CCDC88C: variants seen among roughly 807,000 people sequenced by gnomAD.
CCDC88C encodes coiled-coil and HOOK domain protein 88C.
Under a neutral mutation model 198.8 loss-of-function variants are expected in CCDC88C, and 131 were observed. That is an observed-to-expected ratio of 0.66 (90% confidence interval 0.57 to 0.76). The LOEUF (loss-of-function observed/expected upper bound fraction) is 0.76, where lower values mean the gene tolerates loss of function less well. CCDC88C is among the 30% of genes least tolerant of loss of function. The pLI is 0.00. For missense variants in CCDC88C, 2,553 were observed against 2,631.6 expected (o/e 0.97, Z 0.65); for synonymous variants, 1,166 against 1,114.7 (o/e 1.05, Z -0.92).
rs571250995 is a variant in CCDC88C, at chr14:91,297,297, G to C, written c.3966+8C>G. ...TGTCTCCCGAGGCTCCCCTGGCGCTGGCCTCACCTCACAGTGGTTGTCCAG... is the reference window on the plus strand; with the variant it reads ...TGTCTCCCGAGGCTCCCCTGGCGCTCGCCTCACCTCACAGTGGTTGTCCAG... On this transcript the variant is annotated splice_region_variant and intron_variant, in intron 22 of 29. Transcript: ENST00000389857. 2.2e-5 allele frequency: 35 copies of C among 1,611,784 alleles called. No individual in the cohort carries two copies. In the South Asian group the frequency reaches 3.6e-4, roughly 17 times the overall value.
chr14:91,281,015 T>C, intron 27 of CCDC88C: 1 of 378,704 alleles, frequency 2.6e-6, no homozygotes, highest in Non-Finnish European at 5.3e-6. Flanking sequence ...GTTTACTGTC[T>C]CCCTTCTGCA....
intron 10 of CCDC88C, among the ~76,000 whole-genome samples, chr14:91,327,025 C>G (rs1312399392): frequency 6.6e-6 from 1 of 152,222 alleles, no homozygotes; most frequent in Non-Finnish European, 1.5e-5. Flanking sequence ...CTCCACTGTT[C>G]CTTTGCTACG....
rs760548975 is a variant in CCDC88C, at chr14:91,417,614, G to A, written c.60+17C>T. 8.2e-6 allele frequency: 13 copies of A among 1,581,986 alleles called. No homozygotes were observed. The highest frequency in any genetic ancestry group is 1.4e-5 in the African/African-American group (1 of 71,706). On this transcript the variant is annotated intron_variant, in intron 1 of 29. Coordinates refer to ENST00000389857, the MANE Select transcript of CCDC88C (RefSeq NM_001080414.4). Reference sequence around the variant, plus strand: ...GCCGGTGCACCAACAAAGGGGCGGGGAGCCAGGCGCACTCACCCAGGTCAC... The same window carrying A: ...GCCGGTGCACCAACAAAGGGGCGGGAAGCCAGGCGCACTCACCCAGGTCAC...
At chr14:91,400,578 A>G (rs1886114926) in intron 3 of CCDC88C, among the ~76,000 whole-genome samples, 2 of 152,222 alleles carry the variant, frequency 1.3e-5, no homozygotes, top group African/African-American at 2.4e-5. Flanking sequence ...CGATTCCCTC[A>G]GGCAGTCCTG....
chr14:91,354,790 C>A (rs1358441475), intron 4 of CCDC88C, among the ~76,000 whole-genome samples: 1 of 152,212 alleles, frequency 6.6e-6, no homozygotes. Context: ...CAACAAAAAA[C>A]CCCAGGATTC....
chr14:91,372,442 C>T (rs1957609221), intron 3 of CCDC88C, among the ~76,000 whole-genome samples: 1 of 148,352 alleles, frequency 6.7e-6, no homozygotes, highest in Non-Finnish European at 1.5e-5. Context: ...AGCGGGGAAT[C>T]CAGAAAAGCT....
chr14:91,330,432 T>C (rs1345272565), intron 10 of CCDC88C, among the ~76,000 whole-genome samples: 1 of 152,186 alleles, frequency 6.6e-6, no homozygotes, highest in African/African-American at 2.4e-5. Context: ...CAAAGGCCTC[T>C]GCAGCAGGAC....
chr14:91,300,765 G>C (rs972916974), intron 20 of CCDC88C, among the ~76,000 whole-genome samples: 5 of 152,116 alleles, frequency 3.3e-5, no homozygotes, highest in African/African-American at 4.8e-5. Flanking sequence ...CCATCTCTTG[G>C]GGGGCAGAGT....
At position 91,339,144 on chromosome 14, in the gene CCDC88C, C is replaced by T; in HGVS notation, c.809+134G>A. On this transcript the variant is annotated intron_variant, in intron 8 of 29. Coordinates refer to ENST00000389857, the MANE Select transcript of CCDC88C (RefSeq NM_001080414.4). This position sits in a 1 kb window ranked among gnomAD's most constrained non-coding sequence, Gnocchi z 5.8. ...CTAGTCCGAGGTCAAAGAGTAAGCT[C>T]AGGGCAGACCCCAGCTGACTCCGGG... 2 of 1,068,756 alleles carry T rather than the reference C, an allele frequency of 1.9e-6. No homozygotes were observed. The highest frequency in any genetic ancestry group is 2.8e-6 in the Non-Finnish European group (2 of 714,864). The allele number at this position is 1,068,756 out of a possible 1,614,324, so 66.2% of individuals were successfully genotyped here.
chr14:91,273,164 G>C lies in CCDC88C; in HGVS notation c.5548C>G (p.Pro1850Ala), dbSNP rs1021776960. The change falls in exon 30 of 30, where the codon CCC (proline) becomes GCC (alanine). Residue 1850 changes from proline to alanine, a missense_variant. Coordinates refer to ENST00000389857, the MANE Select transcript of CCDC88C (RefSeq NM_001080414.4). This position sits in a 1 kb window ranked among gnomAD's most constrained non-coding sequence, Gnocchi z 5.6. ...CGGGCCAGGCTATGGGAGCTGGGGG[G>C]TGCGGGGCTTTGCAGGGTGTGGCTG... Reference protein sequence around the residue: ...TGSHTLQSPAPPSSHSLARER... With the variant: ...TGSHTLQSPAAPSSHSLARER... 2 of 1,580,928 alleles carry C rather than the reference G, an allele frequency of 1.3e-6. No individual in the cohort carries two copies. Among genetic ancestry groups the C allele is most frequent in the East Asian group, 2.3e-5 (1 of 43,184 alleles).
intron 29 of CCDC88C, among the ~76,000 whole-genome samples, chr14:91,276,099 C>G (rs1273423819): frequency 6.6e-6 from 1 of 152,116 alleles, no homozygotes; most frequent in South Asian, 2.1e-4. Context: ...GGATTACAGG[C>G]GTGAGCCACC....
intron 25 of CCDC88C, among the ~76,000 whole-genome samples, chr14:91,287,383 C>T (rs1890456713): frequency 6.6e-6 from 1 of 152,220 alleles, no homozygotes; most frequent in South Asian, 2.1e-4. Flanking sequence ...TGGGGTGTCA[C>T]TCTGTCACCC....
At chr14:91,309,160 C>A (rs143731563) in intron 16 of CCDC88C, among the ~76,000 whole-genome samples, 1 of 152,114 alleles carries the variant, frequency 6.6e-6, no homozygotes, top group South Asian at 2.1e-4. Context: ...AACCAGGAGG[C>A]GGAGGTTTTC....
chr14:91,315,211 G>A lies in CCDC88C; in HGVS notation c.1665+439C>T, dbSNP rs150920903. On this transcript the variant is annotated intron_variant, in intron 14 of 29. Transcript: ENST00000389857. ...TAGGCAAGAGGCCTGGTTCCTGATG[G>A]CATCCCTGAGCCACTACATCAGCCC... 4.6e-5 allele frequency among the ~76,000 whole-genome samples: 7 copies of A among 152,214 alleles called. No homozygotes were observed. In the South Asian group the frequency reaches 6.2e-4, roughly 14 times the overall value.
Position 91,338,374 on chromosome 14 carries a change from T to C in CCDC88C, c.891+115A>G. 9.8e-7 allele frequency: 1 copy of C among 1,019,936 alleles called. No individual in the cohort carries two copies. Among genetic ancestry groups the C allele is most frequent in the East Asian group, 2.6e-5 (1 of 38,320 alleles). 63.2% of individuals were successfully genotyped at this position (1,019,936 alleles called of 1,614,324 possible). A position where few individuals can be genotyped will look rare whatever the true frequency, so the allele number is the denominator to read the frequency against. ...TCCCCATAGCCGTGCTCAGGACAAG[T>C]GGCTCTTGTGTGGCTTAAAAGCGCT... is the stretch of plus-strand genomic sequence containing the variant. On this transcript the variant is annotated intron_variant, in intron 9 of 29. Transcript: ENST00000389857. The surrounding 1 kb of genome is among the most constrained non-coding windows in gnomAD (Gnocchi z 4.8).
At chr14:91,364,038 C>T (rs1181212181) in intron 3 of CCDC88C, among the ~76,000 whole-genome samples, 2 of 152,268 alleles carry the variant, frequency 1.3e-5, no homozygotes, top group African/African-American at 2.4e-5. Flanking sequence ...GTGCTCTGGA[C>T]AGGCCCCCAC....
At chr14:91,402,470 T>C (rs2064961) in intron 3 of CCDC88C, among the ~76,000 whole-genome samples, 21,183 of 152,222 alleles carry the variant, frequency 0.14, 1,888 homozygotes, top group Admixed American at 0.2. Flanking sequence ...TGCTGCCGTT[T>C]ATGGAAGTCT....
chr14:91,304,287 A>G (rs978665326), intron 19 of CCDC88C, among the ~76,000 whole-genome samples: 3 of 152,162 alleles, frequency 2.0e-5, no homozygotes, highest in Non-Finnish European at 4.4e-5. Flanking sequence ...ACTATTTTTT[A>G]AAAACCTCTT....
rs375411867 is a variant in CCDC88C at position 91,272,805 on chromosome 14, C to T, written c.5907G>A (p.Pro1969=). ...GAAGCCCCTCACTGCAGCCCTGCCC[C>T]GGGACCCCGTCTCCCTCTGAGAGGC... The part of the protein sequence containing the change: ...GLSLSEGDGV[P]GQGCSEGLPA... The change falls in exon 30 of 30, where the codon CCG becomes CCA. Residue 1969 remains proline (P), a synonymous_variant. Coordinates refer to ENST00000389857, the MANE Select transcript of CCDC88C (RefSeq NM_001080414.4). The T allele has an allele frequency of 2.8e-5, 44 of 1,598,854 alleles. No individual in the cohort carries two copies. Among genetic ancestry groups the T allele is most frequent in the African/African-American group, 2.5e-4 (19 of 74,858 alleles).
Sources: allele counts gnomAD v4.1 joint callset (sites outside exome capture counted in the v4.1 genomes callset), GRCh38; gene constraint gnomAD v4.1.1; non-coding constraint Gnocchi (gnomAD v3.1); transcripts MANE v1.5; gene names NCBI Gene and HGNC (gene_info 2026-07-23, HGNC 2026-07-21).